The following NFILZ variants were observed in gnomAD, a reference collection of about 807,000 sequenced individuals.
The protein encoded by NFILZ is NFIL3 like protein.
In NFILZ at chr19:8,678,146, T is replaced by TTC. The variant is rs1568426396; in HGVS notation, c.*511_*512insTC. Among the ~76,000 whole-genome samples the TTC allele has an allele frequency of 4.6e-3, 37 of 8,120 alleles. No homozygotes were observed. The highest frequency in any genetic ancestry group is 9.5e-3 in the African/African-American group (23 of 2,422). 5.3% of individuals were successfully genotyped at this position (8,120 alleles called of 152,430 possible). On this transcript the variant is annotated 3_prime_UTR_variant, in exon 6 of 6. Transcript: ENST00000691075. Reference sequence around the variant, plus strand: ...CCATCCCTCCATCCATTCATCCACTTGTCCGTCCATCCATCCATCCATCCA... The same window carrying TTC: ...CCATCCCTCCATCCATTCATCCACTTTCGTCCGTCCATCCATCCATCCATCCA...
At chr19:8,664,089 C>A (rs1031306507) in intron 3 of NFILZ, among the ~76,000 whole-genome samples, 11 of 152,096 alleles carry the variant, frequency 7.2e-5, no homozygotes, top group African/African-American at 2.7e-4. Flanking sequence ...TTCCACTGCA[C>A]GGCATCCATG....
intron 4 of NFILZ, among the ~76,000 whole-genome samples, 39 bp from the exon 5 acceptor site, chr19:8,676,320 C>A (rs1568425860): frequency 6.6e-6 from 1 of 152,150 alleles, no homozygotes; most frequent in Non-Finnish European, 1.5e-5. Context: ...CCCAAATTGG[C>A]TCTGTTTACC....
intron 1 of NFILZ, among the ~76,000 whole-genome samples, chr19:8,631,729 C>T (rs2042870536): frequency 6.6e-6 from 1 of 151,964 alleles, no homozygotes; most frequent in South Asian, 2.1e-4. Context: ...TCTCAGCCTC[C>T]TGGCCTTTCA....
At chr19:8,652,991 C>CTTTCTTTCGTT (rs1600145499) in intron 3 of NFILZ, among the ~76,000 whole-genome samples, 1 of 37,062 alleles carries the variant, frequency 2.7e-5, no homozygotes, top group Non-Finnish European at 5.0e-5. Context: ...TTCCTTCCTT[C>CTTTCTTTCGTT]CTTCCTTCCT....
At chr19:8,653,836 C>T (rs781973933) in intron 3 of NFILZ, among the ~76,000 whole-genome samples, 12 of 152,208 alleles carry the variant, frequency 7.9e-5, no homozygotes, top group South Asian at 2.1e-4. Flanking sequence ...GGTTGGGAGG[C>T]GGATGAGGGA....
rs528923906 is a variant in NFILZ, at chr19:8,650,807, C to T, written c.-164+15061C>T. Among the ~76,000 whole-genome samples the T allele has an allele frequency of 9.2e-5, 14 of 152,084 alleles. No individual in the cohort carries two copies. In the East Asian group the frequency reaches 9.6e-4, roughly 10 times the overall value. On this transcript the variant is annotated intron_variant, in intron 3 of 5. Transcript: ENST00000691075. ...AGTTACTATTTATTTTCATAATTTA[C>T]GTATTTATTTATTTGAGGTTTCATA...
At chr19:8,639,935 CT>C (rs1555746503) in intron 3 of NFILZ, among the ~76,000 whole-genome samples, 1 of 152,164 alleles carries the variant, frequency 6.6e-6, no homozygotes, top group East Asian at 1.9e-4. Context: ...AAAAGCCCTA[CT>C]GGGGTTGCCA....
chr19:8,679,631 T>C lies in NFILZ; in HGVS notation c.*1996T>C, dbSNP rs1328553489. Among the ~76,000 whole-genome samples, 6 of 152,092 alleles carry C rather than the reference T, an allele frequency of 3.9e-5. 1 individual carries two copies. The highest frequency in any genetic ancestry group is 7.4e-5 in the Non-Finnish European group (5 of 68,016). ...CTGTGACTGGGCATCCCTAGAATCCTGCACATCACAGGTAGGACCTCCTCT... is the reference window on the plus strand; with the variant it reads ...CTGTGACTGGGCATCCCTAGAATCCCGCACATCACAGGTAGGACCTCCTCT... On this transcript the variant is annotated 3_prime_UTR_variant, in exon 6 of 6. Coordinates refer to ENST00000691075, the MANE Select transcript of NFILZ (RefSeq NM_001378600.1).
intron 3 of NFILZ, among the ~76,000 whole-genome samples, chr19:8,646,624 C>T (rs528506726): frequency 3.9e-5 from 6 of 152,326 alleles, no homozygotes; most frequent in African/African-American, 1.4e-4. Context: ...TTAAAGACCA[C>T]AATCCCCACT....
intron 3 of NFILZ, among the ~76,000 whole-genome samples, chr19:8,648,416 G>A (rs1343988282): frequency 1.3e-5 from 2 of 152,156 alleles, no homozygotes; most frequent in Non-Finnish European, 2.9e-5. Context: ...GAGGCGGATG[G>A]TGGTGATGGT....
intron 3 of NFILZ, among the ~76,000 whole-genome samples, chr19:8,646,562 G>A (rs1167044892): frequency 6.6e-6 from 1 of 152,132 alleles, no homozygotes; most frequent in Non-Finnish European, 1.5e-5. Context: ...GAGGAAGTAA[G>A]AGCCACTCTT....
At chr19:8,669,727 G>C (rs149103323) in intron 3 of NFILZ, among the ~76,000 whole-genome samples, 2 of 152,170 alleles carry the variant, frequency 1.3e-5, no homozygotes, top group Non-Finnish European at 2.9e-5. Context: ...CTGGCTGTGC[G>C]ACCTCAGGCA....
intron 3 of NFILZ, among the ~76,000 whole-genome samples, chr19:8,648,433 A>G (rs2042951771): frequency 6.6e-6 from 1 of 152,148 alleles, no homozygotes; most frequent in Non-Finnish European, 1.5e-5. Flanking sequence ...TGGTTGCACA[A>G]TGTGAGTGTG....
Position 8,666,912 on chromosome 19 carries a change from C to CTT in NFILZ, c.-163-7622_-163-7621dup, listed in dbSNP as rs35846585. ...ACCATGCCCGGCTAATTTTTGAAAA[C>CTT]TTTTTTTTTTTTTTTTTTGTAGAGA... is the stretch of plus-strand genomic sequence containing the variant. On this transcript the variant is annotated intron_variant, in intron 3 of 5. Coordinates refer to ENST00000691075, the MANE Select transcript of NFILZ (RefSeq NM_001378600.1). Among the ~76,000 whole-genome samples, 415 of 128,172 alleles carry CTT rather than the reference C, an allele frequency of 3.2e-3. 2 individuals are homozygous for CTT. The highest frequency in any genetic ancestry group is 0.011 in the African/African-American group (370 of 32,454). 84.1% of individuals were successfully genotyped at this position (128,172 alleles called of 152,430 possible).
rs1476576244 is a variant in NFILZ at position 8,676,363 on chromosome 19, A to T, written c.-109A>T. On this transcript the variant is annotated 5_prime_UTR_variant, in exon 5 of 6. Transcript: ENST00000691075. ...ATACATATTCTCTATTTCTAGGTTC[A>T]GTCATCCTTCTGTCTCCCTCTGGGT... Among the ~76,000 whole-genome samples, 3 of 152,310 alleles carry T rather than the reference A, an allele frequency of 2.0e-5. No homozygotes were observed. The highest frequency in any genetic ancestry group is 4.8e-5 in the African/African-American group (2 of 41,560).
chr19:8,652,115 T>TG (rs1242359720), intron 3 of NFILZ, among the ~76,000 whole-genome samples: 1 of 151,986 alleles, frequency 6.6e-6, no homozygotes, highest in Non-Finnish European at 1.5e-5. Context: ...TTTTTTTTTT[T>TG]TTTTTGAAAC....
intron 3 of NFILZ, among the ~76,000 whole-genome samples, chr19:8,665,215 C>T (rs2043056502): frequency 6.6e-6 from 1 of 152,082 alleles, no homozygotes; most frequent in Non-Finnish European, 1.5e-5. Flanking sequence ...GGTGGGCTTC[C>T]TGTAGGAGGT....
At chr19:8,653,039 T>TCTTTCTCTCCCC (rs2042975490) in intron 3 of NFILZ, among the ~76,000 whole-genome samples, 1 of 77,396 alleles carries the variant, frequency 1.3e-5, no homozygotes, top group Non-Finnish European at 2.5e-5. Context: ...TTTCTTTCTT[T>TCTTTCTCTCCCC]CTCTCTCTCT....
At chr19:8,656,337 C>CTGAAGCCCACCTTCTCT (rs2042996253) in intron 3 of NFILZ, among the ~76,000 whole-genome samples, 1 of 59,238 alleles carries the variant, frequency 1.7e-5, no homozygotes, top group African/African-American at 5.1e-5. Flanking sequence ...CCCCCTTCTT[C>CTGAAGCCCACCTTCTCT]CTGAAGCCCA....
Sources: allele counts gnomAD v4.1 joint callset (sites outside exome capture counted in the v4.1 genomes callset), GRCh38; gene constraint gnomAD v4.1.1; transcripts MANE v1.5; gene names NCBI Gene and HGNC (gene_info 2026-07-23, HGNC 2026-07-21).